Variants in APLP2 observed in about 807,000 individuals in gnomAD.
APLP2 encodes the protein amyloid beta precursor like protein 2.
In APLP2, 53 loss-of-function variants were observed where a neutral mutation model predicts 89.9. That is an observed-to-expected ratio of 0.59 (90% CI 0.47 to 0.74). The LOEUF is 0.74. Ranked by LOEUF, APLP2 falls within the 30% of genes least tolerant of loss-of-function variation. The probability of loss-of-function intolerance (pLI) is 0.00; values close to 1 mark genes in which losing one functional copy is unlikely to be tolerated. For missense variants in APLP2, 973 were observed against 975.9 expected (o/e 1.00, Z 0.04); for synonymous variants, 372 against 348.6 (o/e 1.07, Z -0.75).
At chr11:130,137,022 A>G (rs1287951408) in intron 13 of APLP2, among the ~76,000 whole-genome samples, 2 of 152,204 alleles carry the variant, frequency 1.3e-5, no homozygotes, top group Non-Finnish European at 2.9e-5. Flanking sequence ...CTAAAAAGGC[A>G]CAAGACAGAC....
chr11:130,070,343 A>C (rs59168429), intron 1 of APLP2, among the ~76,000 whole-genome samples: 30,053 of 151,076 alleles, frequency 0.2, 5,995 homozygotes, highest in African/African-American at 0.5. Flanking sequence ...GCCTCGGCCG[A>C]CCCAGCCCCC....
chr11:130,091,270 T>C (rs71352175), intron 1 of APLP2, among the ~76,000 whole-genome samples: 272 of 98,184 alleles, frequency 2.8e-3, no homozygotes, highest in African/African-American at 0.011. Context: ...GGCGGGGGGC[T>C]GACCCCCCCA....
chr11:130,098,666 T>G (rs951253914), intron 1 of APLP2, among the ~76,000 whole-genome samples: 5 of 152,206 alleles, frequency 3.3e-5, no homozygotes, highest in African/African-American at 1.2e-4. Flanking sequence ...ATGGAATATT[T>G]TAAAAAGAAG....
chr11:130,141,795 A>G lies in APLP2; in HGVS notation c.1999-124A>G, dbSNP rs1952430851. 3.3e-6 allele frequency: 4 copies of G among 1,206,354 alleles called. No homozygotes were observed. Among genetic ancestry groups the G allele is most frequent in the Non-Finnish European group, 4.7e-6 (4 of 859,746 alleles). 74.7% of individuals were successfully genotyped at this position (1,206,354 alleles called of 1,614,324 possible). ...TGTGGGTGGTTCCCTGCAAAGCAGGATCTTGGTGCTACTTTGGGTTTTAGG... is the reference window on the plus strand; with the variant it reads ...TGTGGGTGGTTCCCTGCAAAGCAGGGTCTTGGTGCTACTTTGGGTTTTAGG... On this transcript the variant is annotated intron_variant, in intron 15 of 16. Coordinates refer to ENST00000338167, the MANE Select transcript of APLP2 (RefSeq NM_001142276.2). The surrounding 1 kb of genome is among the most constrained non-coding windows in gnomAD (Gnocchi z 4.2).
At chr11:130,095,785 T>C (rs1416382109) in intron 1 of APLP2, among the ~76,000 whole-genome samples, 1 of 152,214 alleles carries the variant, frequency 6.6e-6, no homozygotes, top group Non-Finnish European at 1.5e-5. Flanking sequence ...CACTGTTGAT[T>C]TAGAAATACC....
At chr11:130,094,047 ATTTTTTTT>A (rs138605738) in intron 1 of APLP2, among the ~76,000 whole-genome samples, 6 of 76,384 alleles carry the variant, frequency 7.9e-5, no homozygotes, top group South Asian at 4.9e-4. Context: ...TCCCGGCCGT[ATTTTTTTT>A]TTTTTTTTTT....
At chr11:130,093,672 G>C (rs1945762678) in intron 1 of APLP2, among the ~76,000 whole-genome samples, 1 of 152,216 alleles carries the variant, frequency 6.6e-6, no homozygotes, top group Non-Finnish European at 1.5e-5. Context: ...GTGATGAAAA[G>C]AGCACACCAA....
chr11:130,119,449 G>A (rs185234857), intron 3 of APLP2, among the ~76,000 whole-genome samples: 67 of 152,250 alleles, frequency 4.4e-4, no homozygotes, highest in Middle Eastern at 3.4e-3. Context: ...AACAAGAGAC[G>A]ATGATACCGT....
chr11:130,080,182 A>AAT (rs1439723194), intron 1 of APLP2, among the ~76,000 whole-genome samples: 2 of 152,082 alleles, frequency 1.3e-5, no homozygotes, highest in Non-Finnish European at 2.9e-5. Flanking sequence ...ATAGCCTCCT[A>AAT]AGTTTTGGGG....
At chr11:130,073,082 A>G (rs1941436211) in intron 1 of APLP2, among the ~76,000 whole-genome samples, 1 of 152,224 alleles carries the variant, frequency 6.6e-6, no homozygotes, top group South Asian at 2.1e-4. Context: ...TAAACTGTAC[A>G]TTTTATGAAA....
chr11:130,106,259 C>G (rs1047792750), intron 1 of APLP2, among the ~76,000 whole-genome samples: 1 of 152,006 alleles, frequency 6.6e-6, no homozygotes, highest in East Asian at 1.9e-4. Context: ...CTTCCTCTTC[C>G]TCATCCCTCA....
At chr11:130,070,830 C>T (rs545088648) in intron 1 of APLP2, 3 of 1,188,748 alleles carry the variant, frequency 2.5e-6, no homozygotes, top group East Asian at 3.3e-5. Context: ...AAATCGTCCT[C>T]TTCGGGTGTC....
intron 1 of APLP2, among the ~76,000 whole-genome samples, chr11:130,075,738 C>G (rs991768837): frequency 6.6e-6 from 1 of 152,194 alleles, no homozygotes; most frequent in Non-Finnish European, 1.5e-5. Flanking sequence ...GAACATCACC[C>G]AGCTCGACCA....
In APLP2 at chr11:130,070,033, T is replaced by C; in HGVS notation, c.56T>C (p.Leu19Pro). ...AAATGRLLLL[L>P]LVGLTAPALA... The stretch of plus-strand genomic sequence containing the variant: ...GCCACGGGCAGGCTCCTGCTTCTGC[T>C]GCTGGTGGGGCTCACGGCGCCTGCC... The change falls in exon 1 of 17, where the codon CTG (leucine) becomes CCG (proline). Residue 19 changes from leucine to proline, a missense_variant. Physicochemically the swap from Leu to Pro is moderately conservative, Grantham distance 98. Transcript: ENST00000338167. The C allele has an allele frequency of 1.3e-6, 2 of 1,515,434 alleles. No homozygotes were observed. The highest frequency in any genetic ancestry group is 1.2e-5 in the South Asian group (1 of 82,556). 93.9% of individuals were successfully genotyped at this position (1,515,434 alleles called of 1,614,324 possible). A position where few individuals can be genotyped will look rare whatever the true frequency, so the allele number is the denominator to read the frequency against.
At chr11:130,127,862 C>T (rs780916753) in intron 9 of APLP2, 22 bp downstream of exon 9, 1 of 1,605,498 alleles carries the variant, frequency 6.2e-7, no homozygotes, top group Non-Finnish European at 8.5e-7. Context: ...TCTCTGGGGA[C>T]ATAGCTTTCA....
chr11:130,142,092 T>G lies in APLP2; in HGVS notation c.2154+18T>G, dbSNP rs1487618740. On this transcript the variant is annotated intron_variant, in intron 16 of 16. Coordinates refer to ENST00000338167, the MANE Select transcript of APLP2 (RefSeq NM_001142276.2). ...TCGTGGAGGTGAGGAGCTGGGCTGC[T>G]GAGGGCCTGCTCTGCACTGTGGGCT... 2 of 1,606,354 alleles carry G rather than the reference T, an allele frequency of 1.2e-6. No homozygotes were observed. The highest frequency in any genetic ancestry group is 1.7e-6 in the Non-Finnish European group (2 of 1,176,716).
chr11:130,088,041 C>T lies in APLP2; in HGVS notation c.105+17959C>T, dbSNP rs56676993. Among the ~76,000 whole-genome samples, 1,471 of 152,294 alleles carry T rather than the reference C, an allele frequency of 9.7e-3. 29 individuals carry two copies. The highest frequency in any genetic ancestry group is 0.033 in the African/African-American group (1,371 of 41,572). ...CAAGCCTGATAAGCTCCCAGCCAAA[C>T]AGTTTTTACATGTAGTTTTCCCTGT... On this transcript the variant is annotated intron_variant, in intron 1 of 16. Coordinates refer to ENST00000338167, the MANE Select transcript of APLP2 (RefSeq NM_001142276.2).
Position 130,123,802 on chromosome 11 carries a change from C to A in APLP2, c.1090+23C>A. 1 of 1,610,476 alleles carries A rather than the reference C, an allele frequency of 6.2e-7. No homozygotes were observed. The highest frequency in any genetic ancestry group is 1.1e-5 in the South Asian group (1 of 90,590). On this transcript the variant is annotated intron_variant, in intron 7 of 16. Coordinates refer to ENST00000338167, the MANE Select transcript of APLP2 (RefSeq NM_001142276.2). The surrounding 1 kb of genome is among the most constrained non-coding windows in gnomAD (Gnocchi z 4.0). ...TGAGTAAGTCCTGCCTCGCGCTGGT[C>A]CCGTGCGGCAGCACCGTCCTGTCTG...
At chr11:130,124,557 T>C (rs949526321) in intron 7 of APLP2, among the ~76,000 whole-genome samples, 1 of 152,232 alleles carries the variant, frequency 6.6e-6, no homozygotes, top group African/African-American at 2.4e-5. Context: ...AGCACTAACC[T>C]ACACATTAGG....
Sources: allele counts gnomAD v4.1 joint callset (sites outside exome capture counted in the v4.1 genomes callset), GRCh38; gene constraint gnomAD v4.1.1; non-coding constraint Gnocchi (gnomAD v3.1); transcripts MANE v1.5; gene names NCBI Gene and HGNC (gene_info 2026-07-23, HGNC 2026-07-21).